Variants in TACR1 observed in about 807,000 individuals in gnomAD.
The protein encoded by TACR1 is tachykinin receptor 1.
TACR1 carries 25 observed loss-of-function variants against 35.8 expected under a neutral mutation model. The ratio of observed to expected loss-of-function variants is 0.70; its 90% CI spans 0.51 to 0.98. The LOEUF is 0.98. TACR1 is among the 50% of genes least tolerant of loss of function. The probability of loss-of-function intolerance (pLI) is 0.00; values close to 1 mark genes in which losing one functional copy is unlikely to be tolerated. For missense variants in TACR1, 478 were observed against 522.9 expected (o/e 0.91, Z 0.84); for synonymous variants, 195 against 206.7 (o/e 0.94, Z 0.48).
chr2:75,100,532 G>A (rs559483424), intron 2 of TACR1, among the ~76,000 whole-genome samples: 21 of 152,184 alleles, frequency 1.4e-4, no homozygotes, highest in Admixed American at 5.9e-4. Context: ...ATCTTGGTCT[G>A]TTGAGCATTT....
chr2:75,148,919 C>T (rs1052895867), intron 1 of TACR1, among the ~76,000 whole-genome samples: 5 of 152,112 alleles, frequency 3.3e-5, no homozygotes, highest in African/African-American at 7.2e-5. Context: ...GGAAGGGGTC[C>T]AGTTTCAATT....
In TACR1 at chr2:75,120,639, G is replaced by T. The variant is rs756457459; in HGVS notation, c.519C>A (p.Thr173=). 6.2e-7 allele frequency: 1 copy of T among 1,613,976 alleles called. No homozygotes were observed. The highest frequency in any genetic ancestry group is 1.7e-5 in the Admixed American group (1 of 60,002). The stretch of plus-strand genomic sequence containing the variant: ...TCATGCACACGACTCTGCTGGGCAT[G>T]GTCTCTGTGGTTGAGTAGTAGCCCT... The part of the protein sequence containing the change: ...FPQGYYSTTE[T]MPSRVVCMIE... The change falls in exon 2 of 5, where the codon ACC becomes ACA. Residue 173 remains threonine (T), a synonymous_variant. Transcript: ENST00000305249.
At chr2:75,119,117 G>A (rs540203686) in intron 2 of TACR1, among the ~76,000 whole-genome samples, 12 of 152,290 alleles carry the variant, frequency 7.9e-5, no homozygotes, top group African/African-American at 2.9e-4. Flanking sequence ...TGTGCAACAG[G>A]CTTTCAGCCC....
intron 1 of TACR1, among the ~76,000 whole-genome samples, chr2:75,133,215 A>G (rs1297313853): frequency 6.6e-6 from 1 of 152,224 alleles, no homozygotes; most frequent in African/African-American, 2.4e-5. Flanking sequence ...CAAGACAATG[A>G]ATGATTTAAG....
intron 1 of TACR1, among the ~76,000 whole-genome samples, chr2:75,168,474 G>C (rs1280660067): frequency 6.6e-6 from 1 of 152,188 alleles, no homozygotes; most frequent in African/African-American, 2.4e-5. Flanking sequence ...AAGATGCTGT[G>C]TTACTGGCTT....
At chr2:75,094,078 C>T (rs1673364473) in intron 2 of TACR1, among the ~76,000 whole-genome samples, 1 of 152,092 alleles carries the variant, frequency 6.6e-6, no homozygotes, top group South Asian at 2.1e-4. Context: ...ATACTCTGTC[C>T]CATGTGCAGA....
intron 2 of TACR1, among the ~76,000 whole-genome samples, chr2:75,110,807 C>A (rs185735979): frequency 2.6e-5 from 4 of 152,050 alleles, no homozygotes; most frequent in African/African-American, 9.6e-5. Context: ...CTGACAAAAT[C>A]TTACATAATT....
At chr2:75,104,350 CA>C (rs1172071539) in intron 2 of TACR1, among the ~76,000 whole-genome samples, 1 of 151,900 alleles carries the variant, frequency 6.6e-6, no homozygotes, top group Non-Finnish European at 1.5e-5. Flanking sequence ...GAGAATATAA[CA>C]ATTGTAAATA....
chr2:75,106,703 A>C (rs764139645), intron 2 of TACR1, among the ~76,000 whole-genome samples: 3 of 152,020 alleles, frequency 2.0e-5, no homozygotes, highest in Non-Finnish European at 4.4e-5. Flanking sequence ...AAATATTGTA[A>C]ATGTTAATAG....
intron 2 of TACR1, among the ~76,000 whole-genome samples, chr2:75,057,267 T>C (rs1288182785): frequency 4.6e-5 from 7 of 152,172 alleles, no homozygotes; most frequent in South Asian, 2.1e-4. Flanking sequence ...AAAGCTCCCC[T>C]ACTGAGCACC....
chr2:75,171,732 T>C (rs969129870), intron 1 of TACR1, among the ~76,000 whole-genome samples: 6 of 152,222 alleles, frequency 3.9e-5, no homozygotes, highest in Admixed American at 2.6e-4. Context: ...CCTTGCTGGA[T>C]TTTGGACTTG....
At chr2:75,096,898 G>A (rs1033208178) in intron 2 of TACR1, among the ~76,000 whole-genome samples, 2 of 152,046 alleles carry the variant, frequency 1.3e-5, no homozygotes, top group African/African-American at 2.4e-5. Context: ...CCTCCATGTG[G>A]GCTCACACCC....
chr2:75,094,860 T>TATATATATATATATATATATA (rs1491102755), intron 2 of TACR1, among the ~76,000 whole-genome samples: 83 of 50,356 alleles, frequency 1.6e-3, no homozygotes, highest in African/African-American at 6.2e-3. Flanking sequence ...TATATATATA[T>TATATATATATATATATATATA]TTTTTTTTTT....
At chr2:75,179,770 A>C (rs191061651) in intron 1 of TACR1, among the ~76,000 whole-genome samples, 501 of 152,330 alleles carry the variant, frequency 3.3e-3, no homozygotes, top group Non-Finnish European at 5.1e-3. Context: ...GCTGAGCCAC[A>C]TGATGGAAAC....
chr2:75,161,906 G>A (rs1675018782), intron 1 of TACR1, among the ~76,000 whole-genome samples: 1 of 152,028 alleles, frequency 6.6e-6, no homozygotes, highest in Non-Finnish European at 1.5e-5. Context: ...TCAGTTCTGT[G>A]GAGAGAAACA....
At chr2:75,110,786 T>C (rs1334378362) in intron 2 of TACR1, among the ~76,000 whole-genome samples, 2 of 152,056 alleles carry the variant, frequency 1.3e-5, no homozygotes, top group Non-Finnish European at 2.9e-5. Context: ...TTTACAGCTC[T>C]ATAAACCATG....
chr2:75,198,453 A>G, intron 1 of TACR1, 93 bp downstream of exon 1: 1 of 1,456,750 alleles, frequency 6.9e-7, no homozygotes, highest in Non-Finnish European at 9.3e-7. Flanking sequence ...CCAATCTTCC[A>G]CTTGACCCAT....
chr2:75,066,181 A>C (rs1473088728), intron 2 of TACR1, among the ~76,000 whole-genome samples: 1 of 152,206 alleles, frequency 6.6e-6, no homozygotes, highest in Non-Finnish European at 1.5e-5. Flanking sequence ...AGTGGATTCC[A>C]CTTCATCTCA....
intron 2 of TACR1, among the ~76,000 whole-genome samples, chr2:75,073,493 GGCAGCAACT>G (rs1672920258): frequency 6.6e-6 from 1 of 152,238 alleles, no homozygotes; most frequent in Non-Finnish European, 1.5e-5. Context: ...GGTAAGGAAA[GGCAGCAACT>G]GGTTTGAGCC....
Sources: gnomAD v4.1 joint callset for allele counts (sites outside exome capture counted in the v4.1 genomes callset) on GRCh38, gnomAD v4.1.1 for gene constraint, MANE v1.5 for transcripts, NCBI Gene and HGNC (gene_info 2026-07-23, HGNC 2026-07-21) for gene names.